SPIRE2: variants seen among roughly 807,000 people sequenced by gnomAD.
SPIRE2 encodes the protein protein spire homolog 2.
SPIRE2 carries 76 observed loss-of-function variants against 80.7 expected under a neutral mutation model. The observed-to-expected ratio is 0.94, with a 90% CI of 0.78 to 1.14. The LOEUF is 1.14. Ranked by LOEUF, SPIRE2 falls within the 50% of genes most tolerant of loss-of-function variation. The probability of loss-of-function intolerance (pLI) is 0.00; values close to 1 mark genes in which losing one functional copy is unlikely to be tolerated. For synonymous variants in SPIRE2, 535 were observed against 432.6 expected (o/e 1.24, Z -2.94); for missense variants, 1,196 against 1,015.3 (o/e 1.18, Z -2.42).
chr16:89,865,130 C>T (rs571922900), intron 12 of SPIRE2, among the ~76,000 whole-genome samples: 2 of 151,708 alleles, frequency 1.3e-5, no homozygotes, highest in Non-Finnish European at 2.9e-5. Flanking sequence ...CCTCAGCTTC[C>T]CGAGTAGCTG....
Position 89,858,402 on chromosome 16 carries a change from C to T in SPIRE2, c.1167C>T (p.Ile389=). The T allele has an allele frequency of 6.2e-7, 1 of 1,612,354 alleles. No individual in the cohort carries two copies. Among genetic ancestry groups the T allele is most frequent in the South Asian group, 1.1e-5 (1 of 90,782 alleles). Residue 389 remains isoleucine, a synonymous_variant, in exon 8 of 15, where the codon ATC becomes ATT. Transcript: ENST00000378247. ...CSGDAKSTSC[I]NLSVTDAGGS... Reference sequence around the variant, plus strand: ...GAGATGCCAAGTCCACCTCCTGCATCAACCTGTCAGTCACAGATGCTGGGG... The same window carrying T: ...GAGATGCCAAGTCCACCTCCTGCATTAACCTGTCAGTCACAGATGCTGGGG...
rs2041828435 is a variant in SPIRE2 at position 89,870,239 on chromosome 16, C to T, written c.2112C>T (p.Tyr704=). ...PRRSRQTQSL[Y]IPNTRTLDFK Reference sequence around the variant, plus strand: ...GCAGTCGCCAGACCCAATCCCTCTACATCCCTAACACCAGGACTCTTGACT... The same window carrying T: ...GCAGTCGCCAGACCCAATCCCTCTATATCCCTAACACCAGGACTCTTGACT... Residue 704 remains tyrosine, a synonymous_variant, in exon 15 of 15, where the codon TAC becomes TAT. Transcript: ENST00000378247. The T allele has an allele frequency of 6.2e-7, 1 of 1,603,420 alleles. No homozygotes were observed. Among genetic ancestry groups the T allele is most frequent in the Non-Finnish European group, 8.5e-7 (1 of 1,175,380 alleles).
rs200814332 is a variant in SPIRE2 at position 89,869,636 on chromosome 16, G to T, written c.1876G>T (p.Val626Leu). The T allele has an allele frequency of 6.2e-6, 10 of 1,614,144 alleles. No individual in the cohort carries two copies. Among genetic ancestry groups the T allele is most frequent in the Non-Finnish European group, 8.5e-6 (10 of 1,180,020 alleles). Residue 626 changes from valine (V) to leucine (L), a missense_variant, in exon 14 of 15, where the codon GTA becomes TTA. Transcript: ENST00000378247. Reference sequence around the variant, plus strand: ...ACTGGGCTTTGAGAGTCCTCAGAGGGTATCAGCTGCCAAAACCGCGCCAAT... The same window carrying T: ...ACTGGGCTTTGAGAGTCCTCAGAGGTTATCAGCTGCCAAAACCGCGCCAAT... ...YTLGFESPQR[V>L]SAAKTAPIQR...
At chr16:89,839,415 G>A (rs2041482236) in intron 1 of SPIRE2, among the ~76,000 whole-genome samples, 1 of 151,916 alleles carries the variant, frequency 6.6e-6, no homozygotes, top group Non-Finnish European at 1.5e-5. Context: ...TGGGTGTGTG[G>A]CCGGGTGCCT....
chr16:89,865,751 G>A (rs1300812945), intron 12 of SPIRE2, among the ~76,000 whole-genome samples: 1 of 151,344 alleles, frequency 6.6e-6, no homozygotes, highest in Admixed American at 6.6e-5. Context: ...GGCAGATCAC[G>A]AGGTCGGGAG....
intron 3 of SPIRE2, among the ~76,000 whole-genome samples, chr16:89,851,002 G>A (rs2041621865): frequency 6.6e-6 from 1 of 152,034 alleles, no homozygotes; most frequent in Non-Finnish European, 1.5e-5. Context: ...ATGCCTGGTA[G>A]TAGAGACGGG....
In SPIRE2 at chr16:89,860,745, G is replaced by T; in HGVS notation, c.1525G>T (p.Gly509Trp). ...CCTACTCAGCAACCGGGGCTCCTCG[G>T]GGGACAGACCCGAGGCCTCCATGAC... The part of the protein sequence containing the change: ...HPLLSNRGSS[G>W]DRPEASMTPD... Residue 509 changes from glycine to tryptophan, a missense_variant, in exon 10 of 15, where the codon GGG becomes TGG. By Grantham distance (184) the Gly-to-Trp change is radical. Coordinates refer to ENST00000378247, the MANE Select transcript of SPIRE2 (RefSeq NM_032451.2). The T allele has an allele frequency of 6.3e-7, 1 of 1,584,680 alleles. No individual in the cohort carries two copies.
rs1286873531 is a variant in SPIRE2, at chr16:89,854,356, A to G, written c.716A>G (p.His239Arg). Residue 239 changes from histidine (H) to arginine (R), a missense_variant, in exon 4 of 15, where the codon CAC becomes CGC. His to Arg is a conservative substitution (Grantham distance 29). Transcript: ENST00000378247. ...CGGGCAGAGCTGGACAGCCTGGGTC[A>G]CACAGACTGGGTAAGGCTCACTCCC... ...TPRAELDSLG[H>R]TDWARLWVQL... 3 of 1,612,326 alleles carry G rather than the reference A, an allele frequency of 1.9e-6. No homozygotes were observed. The Admixed American group carries it at 5.0e-5, about 27-fold the overall frequency.
chr16:89,843,692 TTTTTTG>T (rs2041527534), intron 1 of SPIRE2, among the ~76,000 whole-genome samples: 2 of 20,850 alleles, frequency 9.6e-5, no homozygotes, highest in Admixed American at 7.1e-4. Context: ...TTTGTTTTTG[TTTTTTG>T]TTTTTTTTTT....
rs146545340 is a variant in SPIRE2, at chr16:89,858,426, G to A, written c.1191G>A (p.Gly397=). ...SCINLSVTDA[G]GSAQRPRPRV... The stretch of plus-strand genomic sequence containing the variant: ...TCAACCTGTCAGTCACAGATGCTGG[G>A]GGCAGCGCCCAGCGCCCGCGGCCCC... Residue 397 remains glycine (G), a synonymous_variant, in exon 8 of 15, where the codon GGG becomes GGA. Coordinates refer to ENST00000378247, the MANE Select transcript of SPIRE2 (RefSeq NM_032451.2). 2.5e-6 allele frequency: 4 copies of A among 1,611,872 alleles called. No individual in the cohort carries two copies. Among genetic ancestry groups the A allele is most frequent in the African/African-American group, 2.7e-5 (2 of 74,924 alleles).
intron 1 of SPIRE2, among the ~76,000 whole-genome samples, chr16:89,829,633 C>T (rs1451169092): frequency 6.6e-6 from 1 of 152,160 alleles, no homozygotes; most frequent in African/African-American, 2.4e-5. Context: ...CAGAAGCAAG[C>T]TACAGAGCCA....
At chr16:89,861,731 G>A (rs984807820) in intron 10 of SPIRE2, among the ~76,000 whole-genome samples, 2 of 152,202 alleles carry the variant, frequency 1.3e-5, no homozygotes, top group South Asian at 2.1e-4. Context: ...GGGTCAAATC[G>A]GGGCTGGAGG....
intron 1 of SPIRE2, among the ~76,000 whole-genome samples, chr16:89,843,081 A>G (rs941263416): frequency 2.6e-5 from 4 of 152,242 alleles, no homozygotes; most frequent in African/African-American, 7.2e-5. Context: ...GTTCTAGCAC[A>G]GTCCCACCTG....
chr16:89,850,508 G>C lies in SPIRE2; in HGVS notation c.493G>C (p.Val165Leu), dbSNP rs1038523381. The C allele has an allele frequency of 2.6e-6, 4 of 1,526,110 alleles. No individual in the cohort carries two copies. The South Asian group carries it at 5.0e-5, about 19-fold the overall frequency. The allele number at this position is 1,526,110 out of a possible 1,614,324, so 94.5% of individuals were successfully genotyped here. A position where few individuals can be genotyped will look rare whatever the true frequency, so the allele number is the denominator to read the frequency against. Residue 165 changes from valine to leucine, a missense_variant, in exon 3 of 15, where the codon GTG becomes CTG. Transcript: ENST00000378247. The part of the protein sequence containing the change: ...EEEAEGVPRS[V>L]RTFAQAMRLC... ...GGAGGCCGAGGGCGTCCCCCGCAGC[G>C]TGCGCACCTTTGCCCAGGCCATGCG...
chr16:89,863,067 G>A lies in SPIRE2; in HGVS notation c.1576-409G>A, dbSNP rs774824756. On this transcript the variant is annotated intron_variant, in intron 10 of 14. Transcript: ENST00000378247. This position sits in a 1 kb window ranked among gnomAD's most constrained non-coding sequence, Gnocchi z 4.3. ...GAGCGCAGATGGGCAGATGCAAGCT[G>A]AGGTGGCCTGTTGGAGGGTCCTGGA... is the stretch of plus-strand genomic sequence containing the variant. The A allele has an allele frequency of 4.9e-6, 1 of 203,606 alleles. No homozygotes were observed. Among genetic ancestry groups the A allele is most frequent in the Non-Finnish European group, 1.0e-5 (1 of 98,454 alleles). The allele number at this position is 203,606 out of a possible 1,614,324, so 12.6% of individuals were successfully genotyped here. A position where few individuals can be genotyped will look rare whatever the true frequency, so the allele number is the denominator to read the frequency against.
intron 1 of SPIRE2, among the ~76,000 whole-genome samples, chr16:89,831,150 C>G (rs1452978753): frequency 6.6e-6 from 1 of 150,574 alleles, no homozygotes; most frequent in Non-Finnish European, 1.5e-5. Context: ...ACCTCGTGAT[C>G]TGCCCACCTC....
At chr16:89,833,546 C>T (rs994117398) in intron 1 of SPIRE2, among the ~76,000 whole-genome samples, 2 of 152,278 alleles carry the variant, frequency 1.3e-5, no homozygotes, top group Admixed American at 6.5e-5. Context: ...CTGCTGGGCT[C>T]AGGGGCAGGT....
Position 89,854,294 on chromosome 16 carries a change from G to C in SPIRE2, c.654G>C (p.Gln218His). 1 of 1,612,046 alleles carries C rather than the reference G, an allele frequency of 6.2e-7. No individual in the cohort carries two copies. The highest frequency in any genetic ancestry group is 8.5e-7 in the Non-Finnish European group (1 of 1,179,646). The change falls in exon 4 of 15, where the codon CAG (glutamine) becomes CAC (histidine). Residue 218 changes from glutamine to histidine, a missense_variant. Coordinates refer to ENST00000378247, the MANE Select transcript of SPIRE2 (RefSeq NM_032451.2). ...AGCACGTGTGGTCACAGATGCTGCAGAAGCTTCGGGAGGACGAGCCGCATC... is the reference window on the plus strand; with the variant it reads ...AGCACGTGTGGTCACAGATGCTGCACAAGCTTCGGGAGGACGAGCCGCATC... ...ARVREAKEML[Q>H]KLREDEPHLE...
intron 2 of SPIRE2, chr16:89,849,855 TGAGACAGAG>T: frequency 3.8e-6 from 1 of 264,016 alleles, no homozygotes; most frequent in African/African-American, 2.3e-5. Flanking sequence ...TTTTTTTTTT[TGAGACAGAG>T]TCTTGCTTTG....
Sources: allele counts gnomAD v4.1 joint callset (sites outside exome capture counted in the v4.1 genomes callset), GRCh38; gene constraint gnomAD v4.1.1; non-coding constraint Gnocchi (gnomAD v3.1); transcripts MANE v1.5; gene names NCBI Gene and HGNC (gene_info 2026-07-23, HGNC 2026-07-21).